Variants in TMEM8B observed in about 807,000 individuals in gnomAD.
TMEM8B encodes transmembrane protein 8B.
Under a neutral mutation model 49.3 loss-of-function variants are expected in TMEM8B, and 29 were observed. That is an observed-to-expected ratio of 0.59 (90% CI 0.44 to 0.80). The LOEUF (loss-of-function observed/expected upper bound fraction) is 0.80, where lower values mean the gene tolerates loss of function less well. Ranked by LOEUF, TMEM8B falls within the 30% of genes least tolerant of loss-of-function variation. The pLI, the probability that TMEM8B is intolerant of heterozygous loss-of-function variation, is 0.00. For missense variants in TMEM8B, 575 were observed against 658.5 expected (o/e 0.87, Z 1.39); for synonymous variants, 264 against 272.8 (o/e 0.97, Z 0.32).
chr9:35,837,938 A>G (rs1450302655), intron 3 of TMEM8B, among the ~76,000 whole-genome samples: 2 of 152,098 alleles, frequency 1.3e-5, no homozygotes, highest in Non-Finnish European at 2.9e-5. Flanking sequence ...GTACTCCCAA[A>G]TGTCTAGAGT....
intron 10 of TMEM8B, among the ~76,000 whole-genome samples, chr9:35,851,941 A>C (rs1832180299): frequency 6.6e-6 from 1 of 151,902 alleles, no homozygotes; most frequent in African/African-American, 2.4e-5. Flanking sequence ...TATGTTTTCC[A>C]GATTTTTTGG....
chr9:35,832,168 GGTGTGTGT>G (rs34044138), intron 1 of TMEM8B, among the ~76,000 whole-genome samples: 224 of 146,792 alleles, frequency 1.5e-3, no homozygotes, highest in African/African-American at 4.8e-3. Context: ...TAGGTGTAGG[GGTGTGTGT>G]GTGTGTGTGT....
In TMEM8B at chr9:35,846,371, G is replaced by A; in HGVS notation, c.1843G>A (p.Val615Met). The A allele has an allele frequency of 6.2e-7, 1 of 1,613,082 alleles. No individual in the cohort carries two copies. The highest frequency in any genetic ancestry group is 8.5e-7 in the Non-Finnish European group (1 of 1,179,696). The change falls in exon 8 of 13, where the codon GTG (valine) becomes ATG (methionine). Residue 615 changes from valine (V) to methionine (M), a missense_variant. Coordinates refer to ENST00000643932, the MANE Select transcript of TMEM8B (RefSeq NM_001042590.4). ...WFLALRSLCG[V>M]GPRFVRCRNA... Reference sequence around the variant, plus strand: ...CCTGGCCCTCCGCTCCCTGTGCGGGGTGGGGCCTCGGTGAGCGGTGCGGGG... The same window carrying A: ...CCTGGCCCTCCGCTCCCTGTGCGGGATGGGGCCTCGGTGAGCGGTGCGGGG...
chr9:35,836,365 T>C (rs181675496), intron 3 of TMEM8B, among the ~76,000 whole-genome samples: 10 of 152,360 alleles, frequency 6.6e-5, no homozygotes, highest in Admixed American at 6.5e-4. Flanking sequence ...CTGAGGGTTC[T>C]TCTGTTAGAA....
Position 35,846,808 on chromosome 9 carries a change from C to G in TMEM8B, c.1997-9C>G, listed in dbSNP as rs976851397. ...GTTCTCTTCCATTCTGTGCCTTCCC[C>G]ACCCGCAGGGTGGAGAGGCTGGGGC... On this transcript the variant is annotated splice_polypyrimidine_tract_variant and intron_variant, in intron 9 of 12. Transcript: ENST00000643932. 2 of 1,609,494 alleles carry G rather than the reference C, an allele frequency of 1.2e-6. No individual in the cohort carries two copies. The highest frequency in any genetic ancestry group is 4.5e-5 in the East Asian group (2 of 44,822).
rs893702233 is a variant in TMEM8B, at chr9:35,846,014, T to G, written c.1675T>G (p.Leu559Val). ...GGAAAACGTGACGGTGTTTGGATGCTTGACTCACGAGGTGCCCTTGAGCCT... is the reference window on the plus strand; with the variant it reads ...GGAAAACGTGACGGTGTTTGGATGCGTGACTCACGAGGTGCCCTTGAGCCT... ...RQENVTVFGC[L>V]THEVPLSLGD... The change falls in exon 7 of 13, where the codon TTG (leucine) becomes GTG (valine). Residue 559 changes from leucine (L) to valine (V), a missense_variant. Coordinates refer to ENST00000643932, the MANE Select transcript of TMEM8B (RefSeq NM_001042590.4). 3.7e-6 allele frequency: 6 copies of G among 1,613,768 alleles called. No homozygotes were observed. Among genetic ancestry groups the G allele is most frequent in the African/African-American group, 2.7e-5 (2 of 74,798 alleles).
chr9:35,839,994 T>G (rs2132281849), intron 3 of TMEM8B, among the ~76,000 whole-genome samples: 2 of 152,078 alleles, frequency 1.3e-5, no homozygotes, highest in Middle Eastern at 6.8e-3. Flanking sequence ...TGGAACTCAG[T>G]GGGATGTCAG....
chr9:35,830,165 C>T (rs1829718794), intron 1 of TMEM8B, among the ~76,000 whole-genome samples: 1 of 152,206 alleles, frequency 6.6e-6, no homozygotes, highest in African/African-American at 2.4e-5. Flanking sequence ...AGGTGGCTTA[C>T]AGTTTCTAGC....
At chr9:35,836,560 TG>T (rs1187173820) in intron 3 of TMEM8B, among the ~76,000 whole-genome samples, 2 of 152,156 alleles carry the variant, frequency 1.3e-5, no homozygotes, top group African/African-American at 2.4e-5. Context: ...TTGTGGGAGC[TG>T]AGGCCCAGTT....
chr9:35,860,395 A>G lies in TMEM8B; in HGVS notation c.*6555A>G, dbSNP rs1178831375. 6.6e-6 allele frequency: 1 copy of G among 152,236 alleles called. No homozygotes were observed. The highest frequency in any genetic ancestry group is 1.5e-5 in the Non-Finnish European group (1 of 68,042). The allele number at this position is 152,236 out of a possible 1,614,324, so 9.4% of individuals were successfully genotyped here. A position where few individuals can be genotyped will look rare whatever the true frequency, so the allele number is the denominator to read the frequency against. On this transcript the variant is annotated 3_prime_UTR_variant, in exon 13 of 13. Transcript: ENST00000643932. ...GTATTTCAGATTTATTCATCCACTAAGTATTTATTAAGTACCTATTCTGTG... is the reference window on the plus strand; with the variant it reads ...GTATTTCAGATTTATTCATCCACTAGGTATTTATTAAGTACCTATTCTGTG...
intron 10 of TMEM8B, among the ~76,000 whole-genome samples, chr9:35,849,441 A>C (rs1242380733): frequency 1.3e-5 from 2 of 152,254 alleles, no homozygotes; most frequent in African/African-American, 4.8e-5. Context: ...ACATACACTG[A>C]ATATGTGCTG....
In TMEM8B at chr9:35,854,997, C is replaced by T. The variant is rs1339605421; in HGVS notation, c.*1157C>T. 2 of 152,196 alleles carry T rather than the reference C, an allele frequency of 1.3e-5. No homozygotes were observed. Among genetic ancestry groups the T allele is most frequent in the East Asian group, 1.9e-4 (1 of 5,198 alleles). The allele number at this position is 152,196 out of a possible 1,614,324, so 9.4% of individuals were successfully genotyped here. A position where few individuals can be genotyped will look rare whatever the true frequency, so the allele number is the denominator to read the frequency against. On this transcript the variant is annotated 3_prime_UTR_variant, in exon 13 of 13. Transcript: ENST00000643932. The stretch of plus-strand genomic sequence containing the variant: ...CACCAGTGTCCATACTTCATCCATC[C>T]CCGGGATTTCCATCATTCCATCTGG...
At position 35,844,764 on chromosome 9, in the gene TMEM8B, T is replaced by C. The variant is rs562343744; in HGVS notation, c.1636-1211T>C. 2.6e-5 allele frequency among the ~76,000 whole-genome samples: 4 copies of C among 152,346 alleles called. No individual in the cohort carries two copies. In the East Asian group the frequency reaches 7.7e-4, roughly 29 times the overall value. ...CCTGAGAATAGAAGCCTAGCCCTCCTGCAGCCCCTCACCCTTTCCCTCTCT... is the reference window on the plus strand; with the variant it reads ...CCTGAGAATAGAAGCCTAGCCCTCCCGCAGCCCCTCACCCTTTCCCTCTCT... On this transcript the variant is annotated intron_variant, in intron 6 of 12. Coordinates refer to ENST00000643932, the MANE Select transcript of TMEM8B (RefSeq NM_001042590.4).
rs1278018527 is a variant in TMEM8B, at chr9:35,860,616, C to G, written c.*6776C>G. The G allele has an allele frequency of 2.0e-5, 3 of 151,242 alleles. No individual in the cohort carries two copies. Among genetic ancestry groups the G allele is most frequent in the Admixed American group, 6.6e-5 (1 of 15,082 alleles). The allele number at this position is 151,242 out of a possible 1,614,324, so 9.4% of individuals were successfully genotyped here. On this transcript the variant is annotated 3_prime_UTR_variant, in exon 13 of 13. Transcript: ENST00000643932. Reference sequence around the variant, plus strand: ...ATTTCAGCCCCATAGGATGTGTAAGCTTGATTTCTGGTCATCTCTCCTTAA... The same window carrying G: ...ATTTCAGCCCCATAGGATGTGTAAGGTTGATTTCTGGTCATCTCTCCTTAA...
chr9:35,852,984 A>G lies in TMEM8B; in HGVS notation c.2322+11A>G. The G allele has an allele frequency of 1.9e-6, 3 of 1,614,102 alleles. No individual in the cohort carries two copies. Among genetic ancestry groups the G allele is most frequent in the Non-Finnish European group, 2.5e-6 (3 of 1,180,016 alleles). On this transcript the variant is annotated intron_variant, in intron 11 of 12. Coordinates refer to ENST00000643932, the MANE Select transcript of TMEM8B (RefSeq NM_001042590.4). Reference sequence around the variant, plus strand: ...CCCGTGGTCAAGCAGGTCAGTCCAGAGTGGGCCCTGGGGAACAACCATGGC... The same window carrying G: ...CCCGTGGTCAAGCAGGTCAGTCCAGGGTGGGCCCTGGGGAACAACCATGGC...
rs1157475142 is a variant in TMEM8B at position 35,853,888 on chromosome 9, T to C, written c.*48T>C. On this transcript the variant is annotated 3_prime_UTR_variant, in exon 13 of 13. Transcript: ENST00000643932. The surrounding 1 kb of genome is among the most constrained non-coding windows in gnomAD (Gnocchi z 4.2). ...GAGGGGATATGAATGCTTCCTAGAGTTCTTTCTGGGGGTGTGGAGCCCTCT... is the reference window on the plus strand; with the variant it reads ...GAGGGGATATGAATGCTTCCTAGAGCTCTTTCTGGGGGTGTGGAGCCCTCT... 6.7e-7 allele frequency: 1 copy of C among 1,495,838 alleles called. No homozygotes were observed. The highest frequency in any genetic ancestry group is 1.4e-5 in the African/African-American group (1 of 71,436). 92.7% of individuals were successfully genotyped at this position (1,495,838 alleles called of 1,614,324 possible).
At chr9:35,838,006 T>C (rs1830605079) in intron 3 of TMEM8B, among the ~76,000 whole-genome samples, 1 of 152,038 alleles carries the variant, frequency 6.6e-6, no homozygotes, top group Non-Finnish European at 1.5e-5. Context: ...GGTAAAATAA[T>C]GAAAGCAACT....
At position 35,846,399 on chromosome 9, in the gene TMEM8B, G is replaced by T. The variant is rs773525104; in HGVS notation, c.1853+18G>T. On this transcript the variant is annotated intron_variant, in intron 8 of 12. Coordinates refer to ENST00000643932, the MANE Select transcript of TMEM8B (RefSeq NM_001042590.4). ...GGGCCTCGGTGAGCGGTGCGGGGCGGGGCCAGGGCTGGGACCGGGACTTGG... is the reference window on the plus strand; with the variant it reads ...GGGCCTCGGTGAGCGGTGCGGGGCGTGGCCAGGGCTGGGACCGGGACTTGG... 6.2e-7 allele frequency: 1 copy of T among 1,607,212 alleles called. No individual in the cohort carries two copies. Among genetic ancestry groups the T allele is most frequent in the Non-Finnish European group, 8.5e-7 (1 of 1,176,288 alleles).
At chr9:35,844,353 C>T (rs1230133501) in intron 6 of TMEM8B, among the ~76,000 whole-genome samples, 1 of 152,224 alleles carries the variant, frequency 6.6e-6, no homozygotes, top group Non-Finnish European at 1.5e-5. Flanking sequence ...AGGGCGGAGC[C>T]CTATGTTGGC....
Sources: gnomAD v4.1 joint callset for allele counts (sites outside exome capture counted in the v4.1 genomes callset) on GRCh38, gnomAD v4.1.1 for gene constraint, Gnocchi (gnomAD v3.1) non-coding constraint, MANE v1.5 for transcripts, NCBI Gene and HGNC (gene_info 2026-07-23, HGNC 2026-07-21) for gene names.